ECD: variants seen among roughly 807,000 people sequenced by gnomAD.
The protein encoded by ECD is protein ecdysoneless homolog.
ECD carries 59 observed loss-of-function variants against 77.2 expected under a neutral mutation model. The observed-to-expected ratio is 0.76, with a 90% CI of 0.62 to 0.95. ECD has a LOEUF of 0.95. ECD is among the 40% of genes least tolerant of loss of function. ECD has a pLI of 0.00. For missense variants in ECD, 704 were observed against 763.4 expected (o/e 0.92, Z 0.92); for synonymous variants, 233 against 267.4 (o/e 0.87, Z 1.26).
chr10:73,150,178 A>C (rs1843184378), intron 7 of ECD, among the ~76,000 whole-genome samples: 1 of 152,222 alleles, frequency 6.6e-6, no homozygotes, highest in Non-Finnish European at 1.5e-5. Context: ...AAACAGAGAT[A>C]TAGACTAATG....
intron 9 of ECD, among the ~76,000 whole-genome samples, chr10:73,143,130 A>G (rs947415656): frequency 6.6e-6 from 1 of 152,210 alleles, no homozygotes; most frequent in African/African-American, 2.4e-5. Flanking sequence ...CATTCAATAA[A>G]TATTTGTTGA....
intron 12 of ECD, 52 bp from the exon 13 acceptor site, chr10:73,136,970 ATTAT>A (rs1177412776): frequency 1.1e-6 from 1 of 937,994 alleles, no homozygotes; most frequent in Admixed American, 4.5e-5. Context: ...TATTATTATT[ATTAT>A]TATTATTATT....
chr10:73,143,470 T>C (rs1193799391), intron 9 of ECD, among the ~76,000 whole-genome samples: 2 of 152,182 alleles, frequency 1.3e-5, no homozygotes, highest in African/African-American at 4.8e-5. Context: ...CCAGCCTGTA[T>C]AGTATTTTGT....
chr10:73,166,860 T>A (rs1413638598), intron 1 of ECD, among the ~76,000 whole-genome samples: 1 of 152,232 alleles, frequency 6.6e-6, no homozygotes, highest in African/African-American at 2.4e-5. Flanking sequence ...CCTCTGTTTG[T>A]GAGGTATTAC....
At chr10:73,137,905 A>C (rs945963689) in intron 12 of ECD, 98 bp downstream of exon 12, 2 of 872,668 alleles carry the variant, frequency 2.3e-6, no homozygotes, top group African/African-American at 3.6e-5. Context: ...GAGAAAGCAA[A>C]CATTTTGGCT....
intron 9 of ECD, among the ~76,000 whole-genome samples, chr10:73,141,154 C>T (rs542888935): frequency 4.0e-5 from 6 of 151,678 alleles, no homozygotes; most frequent in South Asian, 2.1e-4. Context: ...ACCCAGGAGG[C>T]GGAGGTTGCA....
chr10:73,154,123 CCTTTT>C, intron 6 of ECD, 128 bp downstream of exon 6: 1 of 931,882 alleles, frequency 1.1e-6, no homozygotes, highest in Non-Finnish European at 1.5e-6. Flanking sequence ...CAGAATATTT[CCTTTT>C]TTTTCTAGAG....
intron 6 of ECD, 103 bp from the exon 7 acceptor site, chr10:73,152,524 AT>A: frequency 7.5e-7 from 1 of 1,338,508 alleles, no homozygotes; most frequent in Non-Finnish European, 1.0e-6. Context: ...TAAGCTTCAT[AT>A]TCATATGAAA....
chr10:73,161,462 T>C (rs914576684), intron 2 of ECD, among the ~76,000 whole-genome samples: 2 of 152,026 alleles, frequency 1.3e-5, no homozygotes, highest in African/African-American at 4.8e-5. Flanking sequence ...CTATAAGAAA[T>C]TGACAAATTC....
intron 9 of ECD, among the ~76,000 whole-genome samples, 178 bp downstream of exon 9, chr10:73,146,098 G>A (rs1843124589): frequency 6.6e-6 from 1 of 150,582 alleles, no homozygotes; most frequent in Non-Finnish European, 1.5e-5. Context: ...CTGTCATCCA[G>A]GCTGGAGTGC....
chr10:73,153,268 A>AT (rs1464954746), intron 6 of ECD, among the ~76,000 whole-genome samples: 2 of 151,944 alleles, frequency 1.3e-5, no homozygotes, highest in African/African-American at 4.8e-5. Flanking sequence ...TAATTTTTTT[A>AT]TTTTTTGTAG....
Position 73,151,384 on chromosome 10 carries a change from G to A in ECD, c.912+909C>T, listed in dbSNP as rs548762209. Among the ~76,000 whole-genome samples the A allele has an allele frequency of 3.2e-5, 4 of 123,766 alleles. No homozygotes were observed. In the East Asian group the frequency reaches 1.2e-3, roughly 36 times the overall value. 81.2% of individuals were successfully genotyped at this position (123,766 alleles called of 152,430 possible). On this transcript the variant is annotated intron_variant, in intron 7 of 13. Coordinates refer to ENST00000372979, the MANE Select transcript of ECD (RefSeq NM_007265.3). Reference sequence around the variant, plus strand: ...ACACACCGGGGCCTGTTGTGGGGTGGGGGGAGGGGGGAGGGACAGCATTAG... The same window carrying A: ...ACACACCGGGGCCTGTTGTGGGGTGAGGGGAGGGGGGAGGGACAGCATTAG...
chr10:73,139,184 A>G, intron 11 of ECD, 125 bp downstream of exon 11: 2 of 978,934 alleles, frequency 2.0e-6, no homozygotes, highest in Non-Finnish European at 2.9e-6. Flanking sequence ...ACTAGGCACA[A>G]AAAAGAAAGC....
chr10:73,137,963 A>G (rs760443509), intron 12 of ECD, 40 bp downstream of exon 12: 13 of 1,475,372 alleles, frequency 8.8e-6, no homozygotes, highest in Non-Finnish European at 1.1e-5. Context: ...CATACTACTA[A>G]CAGTTTCAAA....
chr10:73,141,101 C>T (rs1294442766), intron 9 of ECD, among the ~76,000 whole-genome samples: 2 of 151,916 alleles, frequency 1.3e-5, no homozygotes, highest in Admixed American at 6.6e-5. Flanking sequence ...GATGAGAAAA[C>T]CAGAACCCAG....
chr10:73,156,771 T>A, intron 3 of ECD, 116 bp from the exon 4 acceptor site: 1 of 961,022 alleles, frequency 1.0e-6, no homozygotes, highest in Non-Finnish European at 1.6e-6. Context: ...GAGTATGTAC[T>A]ATGTGCAGAT....
At chr10:73,153,734 A>G (rs1424163687) in intron 6 of ECD, among the ~76,000 whole-genome samples, 1 of 150,096 alleles carries the variant, frequency 6.7e-6, no homozygotes, top group Non-Finnish European at 1.5e-5. Context: ...TCAAAAAAAA[A>G]AAAAAAAAAA....
At chr10:73,155,900 G>C (rs1378874494) in intron 5 of ECD, among the ~76,000 whole-genome samples, 2 of 152,020 alleles carry the variant, frequency 1.3e-5, no homozygotes. Flanking sequence ...CATCGCTCCA[G>C]GCCCATGAAG....
intron 6 of ECD, 28 bp downstream of exon 6, chr10:73,154,228 A>T: frequency 6.4e-7 from 1 of 1,553,886 alleles, no homozygotes; most frequent in Non-Finnish European, 8.7e-7. Flanking sequence ...CAGTAAGAGA[A>T]ACTAAATGAC....
Sources: gnomAD v4.1 joint callset for allele counts (sites outside exome capture counted in the v4.1 genomes callset) on GRCh38, gnomAD v4.1.1 for gene constraint, MANE v1.5 for transcripts, NCBI Gene and HGNC (gene_info 2026-07-23, HGNC 2026-07-21) for gene names.